The following JCAD variants were observed in gnomAD, a reference collection of about 807,000 sequenced individuals.
JCAD encodes the protein junctional cadherin 5 associated.
In JCAD, 40 loss-of-function variants were observed where a neutral mutation model predicts 98.0. The observed-to-expected ratio is 0.41, with a 90% CI of 0.32 to 0.53. The LOEUF is 0.53. JCAD is among the 20% of genes least tolerant of loss of function. The pLI, the probability that JCAD is intolerant of heterozygous loss-of-function variation, is 0.31. For missense variants in JCAD, 1,705 were observed against 1,738.1 expected, an observed-to-expected ratio of 0.98 and a Z score of 0.34; for synonymous variants, 691 against 682.3, an observed-to-expected ratio of 1.01 and a Z score of -0.20.
At chr10:30,042,172 G>C (rs1837256064) in intron 2 of JCAD, among the ~76,000 whole-genome samples, 1 of 152,204 alleles carries the variant, frequency 6.6e-6, no homozygotes, top group South Asian at 2.1e-4. Flanking sequence ...TTAAAAAGGG[G>C]AAAATGCCAA....
At chr10:30,091,740 T>C (rs1431902257) in intron 1 of JCAD, among the ~76,000 whole-genome samples, 2 of 117,262 alleles carry the variant, frequency 1.7e-5, no homozygotes, top group Non-Finnish European at 3.7e-5. Context: ...TTTTTTTTTT[T>C]AGGCCAGGTG....
intron 2 of JCAD, among the ~76,000 whole-genome samples, chr10:30,066,790 G>A (rs1455285762): frequency 6.6e-6 from 1 of 152,174 alleles, no homozygotes; most frequent in African/African-American, 2.4e-5. Flanking sequence ...AGTGACTGAG[G>A]CAGGCAGATC....
chr10:30,076,957 A>G (rs1179957380), intron 1 of JCAD, among the ~76,000 whole-genome samples: 1 of 152,226 alleles, frequency 6.6e-6, no homozygotes, highest in Non-Finnish European at 1.5e-5. Flanking sequence ...ATTCCCCAGC[A>G]GAACTGACCT....
intron 1 of JCAD, among the ~76,000 whole-genome samples, chr10:30,099,927 C>T (rs1427491394): frequency 2.6e-5 from 4 of 152,192 alleles, no homozygotes; most frequent in African/African-American, 9.7e-5. Context: ...ACCTGCTCTG[C>T]CCTGACTCAT....
chr10:30,025,951 G>A (rs73598338), intron 3 of JCAD, 152 bp downstream of exon 3: 50,653 of 888,018 alleles, frequency 0.057, 3,064 homozygotes, highest in African/African-American at 0.26. Context: ...ATAATTCTTC[G>A]AAAATGAGGA....
At chr10:30,056,842 T>A (rs1837579804) in intron 1 of JCAD, among the ~76,000 whole-genome samples, 1 of 152,284 alleles carries the variant, frequency 6.6e-6, no homozygotes, top group African/African-American at 2.4e-5. Flanking sequence ...TTCCTGTATT[T>A]TTCTAAACAC....
At chr10:30,032,314 G>C (rs1837019853) in intron 2 of JCAD, among the ~76,000 whole-genome samples, 2 of 152,178 alleles carry the variant, frequency 1.3e-5, no homozygotes, top group South Asian at 4.1e-4. Context: ...TTGGTCTAAT[G>C]AGGAGCCAGT....
chr10:30,097,648 G>A (rs1391655503), intron 1 of JCAD, among the ~76,000 whole-genome samples: 2 of 152,070 alleles, frequency 1.3e-5, no homozygotes, highest in African/African-American at 2.4e-5. Flanking sequence ...CCAGCTACTC[G>A]AGAGACTAAG....
intron 1 of JCAD, among the ~76,000 whole-genome samples, chr10:30,048,413 G>A (rs548281786): frequency 6.6e-5 from 10 of 152,248 alleles, no homozygotes; most frequent in East Asian, 3.9e-4. Context: ...GGAAGCCATC[G>A]AAACAGCAAC....
In JCAD at chr10:30,028,947, G is replaced by A; in HGVS notation, c.1201C>T (p.Pro401Ser). The A allele has an allele frequency of 6.2e-7, 1 of 1,614,082 alleles. No homozygotes were observed. Among genetic ancestry groups the A allele is most frequent in the Non-Finnish European group, 8.5e-7 (1 of 1,180,020 alleles). ...PGTGNEYGVS[P>S]RLPQGLPAHP... ...GCGGGGAGCCCCTGAGGCAAGCGGG[G>A]GCTCACACCATACTCATTCCCAGTT... Residue 401 changes from proline to serine, a missense_variant, in exon 3 of 4, where the codon CCC (proline) becomes TCC (serine). This residue lies in a region of JCAD where 1,278 missense variants were observed against 1,243.1 expected (regional missense o/e 1.03). Transcript: ENST00000375377.
At position 30,017,699 on chromosome 10, in the gene JCAD, C is replaced by T. The variant is rs962539064; in HGVS notation, c.*184G>A. On this transcript the variant is annotated 3_prime_UTR_variant, in exon 4 of 4. Transcript: ENST00000375377. ...TGGTTTCAACGGACGATTGCTTTAT[C>T]GCCACAAAGCAATTCTGAGAGGATG... The T allele has an allele frequency of 7.1e-5, 46 of 646,788 alleles. No individual in the cohort carries two copies. Among genetic ancestry groups the T allele is most frequent in the Middle Eastern group, 2.4e-4 (1 of 4,114 alleles). 40.1% of individuals were successfully genotyped at this position (646,788 alleles called of 1,614,324 possible). A position where few individuals can be genotyped will look rare whatever the true frequency, so the allele number is the denominator to read the frequency against.
Position 30,027,847 on chromosome 10 carries a change from A to G in JCAD, c.2301T>C (p.Thr767=). Residue 767 remains threonine (T), a synonymous_variant, in exon 3 of 4, where the codon ACT becomes ACC. Coordinates refer to ENST00000375377, the MANE Select transcript of JCAD (RefSeq NM_020848.4). ...TCGGTGCCTGGTCCACGGACAAGGA[A>G]GTCCTTGAGAACGCACTGTTGCTGG... ...SPSSNSAFSR[T]SLSVDQAPTP... 6.2e-7 allele frequency: 1 copy of G among 1,614,268 alleles called. No homozygotes were observed. Among genetic ancestry groups the G allele is most frequent in the Non-Finnish European group, 8.5e-7 (1 of 1,180,048 alleles).
intron 1 of JCAD, among the ~76,000 whole-genome samples, chr10:30,071,583 T>A (rs901833477): frequency 6.6e-6 from 1 of 152,130 alleles, no homozygotes; most frequent in East Asian, 1.9e-4. Context: ...GGCGGGCAGA[T>A]AAGCTAAGGT....
In JCAD at chr10:30,028,809, T is replaced by C. The variant is rs764200334; in HGVS notation, c.1339A>G (p.Lys447Glu). 1.1e-5 allele frequency: 18 copies of C among 1,614,200 alleles called. No individual in the cohort carries two copies. The highest frequency in any genetic ancestry group is 1.5e-5 in the Non-Finnish European group (18 of 1,180,046). ...GAGTTATATGATTTATCGTCAAGCT[T>C]TATGTCTTCACAGAAACCCTGGGGC... ...AQPQGFCEDIKLDDKSYNSSP... is the reference protein window; with the variant it reads ...AQPQGFCEDIELDDKSYNSSP... The change falls in exon 3 of 4, where the codon AAG becomes GAG. Residue 447 changes from lysine (K) to glutamate (E), a missense_variant. Coordinates refer to ENST00000375377, the MANE Select transcript of JCAD (RefSeq NM_020848.4).
At chr10:30,106,186 G>A (rs566507370) in intron 1 of JCAD, among the ~76,000 whole-genome samples, 2 of 152,286 alleles carry the variant, frequency 1.3e-5, no homozygotes, top group South Asian at 2.1e-4. Flanking sequence ...ACTTTGGGAT[G>A]CTGAGATGGG....
upstream of JCAD, chr10:30,059,594 C>G (rs778739938): frequency 6.6e-6 from 1 of 151,984 alleles, no homozygotes; most frequent in African/African-American, 2.4e-5. The surrounding 1 kb of genome is among the most constrained non-coding windows in gnomAD (Gnocchi z 5.0). Flanking sequence ...CCCGGAGAAC[C>G]GCCGTCCGCC....
chr10:30,099,801 C>G (rs1838438315), intron 1 of JCAD, among the ~76,000 whole-genome samples: 1 of 152,100 alleles, frequency 6.6e-6, no homozygotes, highest in Non-Finnish European at 1.5e-5. Context: ...AACTTAACTT[C>G]CTCGTAAAGT....
rs1427839892 is a variant in JCAD at position 30,014,461 on chromosome 10, G to C, written c.*3422C>G. 1.3e-5 allele frequency: 2 copies of C among 152,134 alleles called. No homozygotes were observed. Among genetic ancestry groups the C allele is most frequent in the African/African-American group, 4.8e-5 (2 of 41,414 alleles). 9.4% of individuals were successfully genotyped at this position (152,134 alleles called of 1,614,324 possible). ...ACAATTCTGCTGCACTGGTCACTTT[G>C]CAAGAGATGCTATCCTGACATTTAA... On this transcript the variant is annotated 3_prime_UTR_variant, in exon 4 of 4. Transcript: ENST00000375377.
intron 1 of JCAD, among the ~76,000 whole-genome samples, chr10:30,070,945 G>A (rs1219041606): frequency 2.6e-5 from 4 of 152,110 alleles, no homozygotes; most frequent in Non-Finnish European, 4.4e-5. Context: ...TCGCTTTATC[G>A]CTCAGGTTGA....
Sources: gnomAD v4.1 joint callset for allele counts (sites outside exome capture counted in the v4.1 genomes callset) on GRCh38, gnomAD v4.1.1 for gene constraint, gnomAD v4.1.1 regional missense constraint, Gnocchi (gnomAD v3.1) non-coding constraint, MANE v1.5 for transcripts, NCBI Gene and HGNC (gene_info 2026-07-23, HGNC 2026-07-21) for gene names.